The following SLC12A1 variants were observed in gnomAD, a reference collection of about 807,000 sequenced individuals.
The protein encoded by SLC12A1 is solute carrier family 12 member 1.
A neutral mutation model predicts 130.4 loss-of-function variants in SLC12A1; 89 were observed. The ratio of observed to expected loss-of-function variants is 0.68; its 90% confidence interval spans 0.58 to 0.81. The LOEUF is 0.81. Among genes scored for constraint, SLC12A1 ranks in the 40% least tolerant of loss-of-function variants. The pLI, the probability that SLC12A1 is intolerant of heterozygous loss-of-function variation, is 0.00. For synonymous variants in SLC12A1, 499 were observed against 460.0 expected (o/e 1.08, Z -1.09); for missense variants, 1,310 against 1,336.4 (o/e 0.98, Z 0.31).
At chr15:48,280,266 A>T (rs1387622332) in intron 20 of SLC12A1, among the ~76,000 whole-genome samples, 1 of 152,180 alleles carries the variant, frequency 6.6e-6, no homozygotes, top group Non-Finnish European at 1.5e-5. Context: ...GTACCATATA[A>T]TCGATTTATA....
At chr15:48,235,355 A>AC (rs2041428602) in intron 9 of SLC12A1, 3 of 297,000 alleles carry the variant, frequency 1.0e-5, no homozygotes, top group Non-Finnish European at 1.9e-5. Context: ...TAAAAAAAAA[A>AC]CAAAACAAAA....
At chr15:48,227,096 A>G (rs1222517357) in intron 5 of SLC12A1, 1 of 1,551,986 alleles carries the variant, frequency 6.4e-7, no homozygotes, top group Admixed American at 2.0e-5. Context: ...AGTCATCATC[A>G]TTGGCCTAAG....
intron 17 of SLC12A1, among the ~76,000 whole-genome samples, chr15:48,266,783 A>G (rs1486696288): frequency 6.6e-6 from 1 of 152,244 alleles, no homozygotes; most frequent in East Asian, 1.9e-4. Flanking sequence ...GAAGAAAAGA[A>G]CTAGCTTGGA....
intron 2 of SLC12A1, among the ~76,000 whole-genome samples, chr15:48,214,432 C>T (rs551289775): frequency 8.5e-5 from 13 of 152,096 alleles, no homozygotes; most frequent in Non-Finnish European, 1.6e-4. Flanking sequence ...AACTTTTGTC[C>T]TAAATTATCA....
chr15:48,220,176 TA>T (rs368733630), intron 2 of SLC12A1, among the ~76,000 whole-genome samples: 35 of 148,812 alleles, frequency 2.4e-4, no homozygotes, highest in African/African-American at 8.6e-4. Context: ...GATAGATAGA[TA>T]GATAGATAAA....
At chr15:48,221,284 G>A (rs2041212303) in intron 4 of SLC12A1, 3 of 699,534 alleles carry the variant, frequency 4.3e-6, no homozygotes, top group Non-Finnish European at 7.8e-6. Flanking sequence ...GTTAATTTTA[G>A]ATAATAATAT....
chr15:48,283,068 A>G (rs1288008883), intron 20 of SLC12A1, among the ~76,000 whole-genome samples: 5 of 152,164 alleles, frequency 3.3e-5, no homozygotes, highest in East Asian at 3.8e-4. Context: ...TGTGCAATAA[A>G]TAGCAATTGC....
In SLC12A1 at chr15:48,251,699, AC is replaced by A. The variant is rs775494995; in HGVS notation, c.1872del (p.Trp625GlyfsTer18). On this transcript the variant is annotated frameshift_variant, in exon 15 of 27. Coordinates refer to ENST00000380993, the MANE Select transcript of SLC12A1 (RefSeq NM_000338.3). LOFTEE classifies it high-confidence loss of function. ...TGCTGTGCAGTCATGTTTGTCATCA[AC>A]TGGTGGGCAGCTGTCATCACCTATG... ...VLCCAVMFVI[N>X]WWAAVITYVI... 2 of 1,613,760 alleles carry A rather than the reference AC, an allele frequency of 1.2e-6. No individual in the cohort carries two copies. The highest frequency in any genetic ancestry group is 2.2e-5 in the South Asian group (2 of 91,072).
chr15:48,229,160 A>G (rs1475388617), intron 5 of SLC12A1, 29 bp from the exon 6 acceptor site: 18 of 1,570,372 alleles, frequency 1.1e-5, no homozygotes, highest in South Asian at 8.2e-5. Flanking sequence ...CAGTTCCTCA[A>G]TGTGAAGTAT....
intron 5 of SLC12A1, chr15:48,228,326 G>A (rs1422719317): frequency 6.5e-6 from 1 of 152,966 alleles, no homozygotes; most frequent in African/African-American, 2.4e-5. Flanking sequence ...AATTGTTCCA[G>A]ACCCTCCCCA....
intron 6 of SLC12A1, among the ~76,000 whole-genome samples, chr15:48,229,943 C>T (rs556753320): frequency 6.6e-6 from 1 of 152,340 alleles, no homozygotes; most frequent in Non-Finnish European, 1.5e-5. Flanking sequence ...TTACAGTTCA[C>T]AAGGTATATT....
chr15:48,208,211 C>T lies in SLC12A1; in HGVS notation c.420+72C>T. 2.9e-6 allele frequency: 4 copies of T among 1,379,010 alleles called. No individual in the cohort carries two copies. The East Asian group carries it at 9.2e-5, about 32-fold the overall frequency. 85.4% of individuals were successfully genotyped at this position (1,379,010 alleles called of 1,614,324 possible). ...CAGATAATTTCCTTCTCTTTCATTACACTATGAATGAATGTGAAACAGTCA... is the reference window on the plus strand; with the variant it reads ...CAGATAATTTCCTTCTCTTTCATTATACTATGAATGAATGTGAAACAGTCA... On this transcript the variant is annotated intron_variant, in intron 2 of 26. Coordinates refer to ENST00000380993, the MANE Select transcript of SLC12A1 (RefSeq NM_000338.3).
chr15:48,236,399 G>C (rs917921401), intron 9 of SLC12A1, among the ~76,000 whole-genome samples: 1 of 152,184 alleles, frequency 6.6e-6, no homozygotes, highest in Non-Finnish European at 1.5e-5. Flanking sequence ...AGGCAGAGAG[G>C]ATAGTCAGGC....
intron 13 of SLC12A1, among the ~76,000 whole-genome samples, chr15:48,249,285 G>A (rs1181862394): frequency 1.3e-5 from 2 of 150,294 alleles, no homozygotes; most frequent in Non-Finnish European, 2.9e-5. Context: ...GCTACAGGGA[G>A]TTAATTGTAT....
rs118109265 is a variant in SLC12A1, at chr15:48,234,216, G to T, written c.1088-661G>T. 1.3e-3 allele frequency among the ~76,000 whole-genome samples: 197 copies of T among 152,100 alleles called. No homozygotes were observed. The South Asian group carries it at 0.02, about 15-fold the overall frequency. On this transcript the variant is annotated intron_variant, in intron 8 of 26. Transcript: ENST00000380993. ...GTGTGTGTGTGTGAATGTGTGTGGTGGTGCATTTGTGGGTATGCCAGTGTG... is the reference window on the plus strand; with the variant it reads ...GTGTGTGTGTGTGAATGTGTGTGGTTGTGCATTTGTGGGTATGCCAGTGTG...
chr15:48,247,902 G>A (rs1048613326), intron 13 of SLC12A1, among the ~76,000 whole-genome samples: 2 of 152,188 alleles, frequency 1.3e-5, no homozygotes, highest in African/African-American at 4.8e-5. Context: ...CAGAGTAACT[G>A]AGTCAGACTC....
At chr15:48,260,554 A>G (rs1280324615) in intron 17 of SLC12A1, among the ~76,000 whole-genome samples, 1 of 152,228 alleles carries the variant, frequency 6.6e-6, no homozygotes, top group Non-Finnish European at 1.5e-5. Flanking sequence ...GTGATTGGGA[A>G]AGTGAGATTC....
At chr15:48,246,861 A>G (rs747458367) in intron 11 of SLC12A1, 48 bp from the exon 12 acceptor site, 9 of 1,266,038 alleles carry the variant, frequency 7.1e-6, no homozygotes, top group Non-Finnish European at 1.0e-5. Context: ...CTTATGAAAC[A>G]GATTCCAAAT....
chr15:48,231,883 T>C (rs1289297720), intron 7 of SLC12A1, among the ~76,000 whole-genome samples: 19 of 152,122 alleles, frequency 1.2e-4, no homozygotes, highest in Admixed American at 1.2e-3. Flanking sequence ...GGGTGGCGTA[T>C]GCCTGTAATC....
Sources: gnomAD v4.1 joint callset for allele counts (sites outside exome capture counted in the v4.1 genomes callset) on GRCh38, gnomAD v4.1.1 for gene constraint, MANE v1.5 for transcripts, NCBI Gene and HGNC (gene_info 2026-07-23, HGNC 2026-07-21) for gene names.